The following RBFOX1 variants were observed in gnomAD, a reference collection of about 807,000 sequenced individuals.
The protein encoded by RBFOX1 is RNA binding protein fox-1 homolog 1.
A neutral mutation model predicts 57.7 loss-of-function variants in RBFOX1; 8 were observed. The observed-to-expected ratio is 0.14, with a 90% confidence interval of 0.08 to 0.25. The LOEUF is 0.25. Ranked by LOEUF, RBFOX1 falls within the 10% of genes least tolerant of loss-of-function variation. RBFOX1 has a pLI of 1.00. For synonymous variants in RBFOX1, 326 were observed against 222.4 expected (o/e 1.47, Z -4.15); for missense variants, 611 against 548.5 (o/e 1.11, Z -1.14).
chr16:7,669,541 C>A (rs550325313), intron 13 of RBFOX1, among the ~76,000 whole-genome samples: 146 of 152,270 alleles, frequency 9.6e-4, no homozygotes, highest in African/African-American at 3.5e-3. Flanking sequence ...TAACATTAGA[C>A]GCAACCATGA....
intron 4 of RBFOX1, among the ~76,000 whole-genome samples, chr16:5,881,464 G>A (rs1360598158): frequency 6.6e-6 from 1 of 152,130 alleles, no homozygotes; most frequent in African/African-American, 2.4e-5. Context: ...TGGATCACTT[G>A]AGGTGAAGAG....
intron 10 of RBFOX1, among the ~76,000 whole-genome samples, chr16:7,616,890 G>A (rs1596560536): frequency 6.6e-6 from 1 of 151,990 alleles, no homozygotes; most frequent in Admixed American, 6.5e-5. Flanking sequence ...TCTCCCAGGA[G>A]CTGGCCAAAG....
chr16:5,721,116 A>G (rs4490005), intron 3 of RBFOX1, among the ~76,000 whole-genome samples: 83,119 of 152,044 alleles, frequency 0.55, 26,405 homozygotes, highest in Non-Finnish European at 0.73. Context: ...AATATTTAAT[A>G]GTTTTCAGCA....
At chr16:6,654,866 T>G (rs768107466) in intron 3 of RBFOX1, among the ~76,000 whole-genome samples, 80 of 138,612 alleles carry the variant, frequency 5.8e-4, no homozygotes, top group Admixed American at 2.3e-4. Context: ...CATATTGTAA[T>G]TTTTTACAAA....
intron 2 of RBFOX1, among the ~76,000 whole-genome samples, chr16:5,574,487 C>G (rs1014000428): frequency 6.6e-6 from 1 of 151,416 alleles, no homozygotes; most frequent in Non-Finnish European, 1.5e-5. Flanking sequence ...ACAATCTTGG[C>G]TCACTGCAAC....
intron 2 of RBFOX1, among the ~76,000 whole-genome samples, chr16:5,571,215 CTTTT>C (rs34409151): frequency 2.9e-4 from 23 of 79,830 alleles, no homozygotes; most frequent in Non-Finnish European, 2.6e-4. Context: ...CCATCTTTGA[CTTTT>C]TTTTTTTTTT....
rs117896507 is a variant in RBFOX1 at position 7,050,229 on chromosome 16, C to G, written c.-15-1828C>G. Among the ~76,000 whole-genome samples the G allele has an allele frequency of 6.2e-3, 905 of 145,146 alleles. 32 individuals carry two copies. The East Asian group carries it at 0.079, about 13-fold the overall frequency. ...TTTGGAATATTTCTCCCAGTCTTTT[C>G]CTCTTTAGCTTCTTTTTTTTTCCTT... On this transcript the variant is annotated intron_variant, in intron 3 of 15. Coordinates refer to ENST00000550418, the MANE Select transcript of RBFOX1 (RefSeq NM_018723.4).
intron 4 of RBFOX1, among the ~76,000 whole-genome samples, chr16:7,439,626 A>C (rs1347199094): frequency 6.6e-6 from 1 of 152,240 alleles, no homozygotes; most frequent in African/African-American, 2.4e-5. Flanking sequence ...AACGCTGCTC[A>C]GTTTTTCCTG....
At chr16:7,098,546 C>T (rs2062085902) in intron 4 of RBFOX1, among the ~76,000 whole-genome samples, 1 of 152,156 alleles carries the variant, frequency 6.6e-6, no homozygotes, top group Admixed American at 6.6e-5. Flanking sequence ...TGAAATGTAA[C>T]ACACACACAT....
intron 4 of RBFOX1, among the ~76,000 whole-genome samples, chr16:7,311,652 G>C (rs893534842): frequency 1.3e-5 from 2 of 152,054 alleles, no homozygotes; most frequent in African/African-American, 4.8e-5. Flanking sequence ...TGGAAAGGTT[G>C]AGAGCAATAT....
intron 1 of RBFOX1, among the ~76,000 whole-genome samples, chr16:5,465,983 C>T (rs1426698175): frequency 2.0e-5 from 3 of 152,022 alleles, no homozygotes; most frequent in Non-Finnish European, 4.4e-5. Context: ...CTTGATGGGA[C>T]CAGTTGGTTT....
At position 5,725,172 on chromosome 16, in the gene RBFOX1, G is replaced by C. The variant is rs547997454; in HGVS notation, c.318+126211G>C. Among the ~76,000 whole-genome samples the C allele has an allele frequency of 6.6e-5, 10 of 152,278 alleles. No homozygotes were observed. The South Asian group carries it at 1.9e-3, about 28-fold the overall frequency. ...TGTTGCAGAGGAGGCTAGGCTGTTG[G>C]TTAATGAGCATGCCAAAACAATCCC... is the stretch of plus-strand genomic sequence containing the variant. On this transcript the variant is annotated intron_variant, in intron 3 of 19. Transcript: ENST00000641259.
chr16:7,059,262 C>T (rs554763764), intron 4 of RBFOX1, among the ~76,000 whole-genome samples: 15 of 152,210 alleles, frequency 9.9e-5, no homozygotes, highest in Non-Finnish European at 1.5e-4. Flanking sequence ...TACGATAGCA[C>T]GGAAGAAAAT....
intron 12 of RBFOX1, among the ~76,000 whole-genome samples, chr16:7,659,319 T>C (rs1301656431): frequency 6.6e-6 from 1 of 152,198 alleles, no homozygotes; most frequent in African/African-American, 2.4e-5. Context: ...CCAACAACAG[T>C]CTCTGGGACT....
Position 6,878,470 on chromosome 16 carries a change from C to G in RBFOX1, c.-15-173587C>G, listed in dbSNP as rs139095050. 3.3e-4 allele frequency among the ~76,000 whole-genome samples: 50 copies of G among 152,292 alleles called. 1 individual carries two copies. The East Asian group carries it at 9.3e-3, about 28-fold the overall frequency. Reference sequence around the variant, plus strand: ...AGCAACACCACCCTGTCTCTTACCACCAAATCCATGATGGACATGTGATAT... The same window carrying G: ...AGCAACACCACCCTGTCTCTTACCAGCAAATCCATGATGGACATGTGATAT... On this transcript the variant is annotated intron_variant, in intron 3 of 15. Transcript: ENST00000550418.
Position 7,602,922 on chromosome 16 carries a change from A to G in RBFOX1, c.623-4363A>G, listed in dbSNP as rs541480338. ...CATAATAGAATAAAACTAGAAATGA[A>G]TAGCAAGAGGAACTTCAGAAACTGT... On this transcript the variant is annotated intron_variant, in intron 9 of 15. Transcript: ENST00000550418. 1.2e-3 allele frequency among the ~76,000 whole-genome samples: 184 copies of G among 152,336 alleles called. 1 individual carries two copies. In the Middle Eastern group the frequency reaches 0.017, roughly 14 times the overall value.
chr16:7,342,121 A>G (rs530323789), intron 4 of RBFOX1, among the ~76,000 whole-genome samples: 3 of 152,106 alleles, frequency 2.0e-5, no homozygotes, highest in Non-Finnish European at 4.4e-5. Flanking sequence ...AAAGAACAGG[A>G]TTTACAACAA....
chr16:6,400,768 G>A (rs1002884822), intron 2 of RBFOX1, among the ~76,000 whole-genome samples: 7 of 152,070 alleles, frequency 4.6e-5, no homozygotes, highest in African/African-American at 1.4e-4. Context: ...CTTGGTGGGC[G>A]CTTGTAGTCC....
intron 1 of RBFOX1, among the ~76,000 whole-genome samples, chr16:6,049,575 T>C (rs1418114004): frequency 1.3e-5 from 2 of 151,258 alleles, no homozygotes; most frequent in Non-Finnish European, 2.9e-5. Flanking sequence ...AAGGTTTTTT[T>C]CCTAACACCT....
Sources: allele counts gnomAD v4.1 joint callset (sites outside exome capture counted in the v4.1 genomes callset), GRCh38; gene constraint gnomAD v4.1.1; transcripts MANE v1.5; gene names NCBI Gene and HGNC (gene_info 2026-07-23, HGNC 2026-07-21).